The following PPP6R3 variants were observed in gnomAD, a reference collection of about 807,000 sequenced individuals.
PPP6R3 encodes the protein protein phosphatase 6 regulatory subunit 3.
Under a neutral mutation model 110.7 loss-of-function variants are expected in PPP6R3, and 38 were observed. The observed-to-expected ratio is 0.34, with a 90% confidence interval of 0.26 to 0.45. PPP6R3 has a LOEUF of 0.45. Ranked by LOEUF, PPP6R3 falls within the 20% of genes least tolerant of loss-of-function variation. PPP6R3 has a pLI of 1.00. For synonymous variants in PPP6R3, 369 were observed against 373.5 expected (o/e 0.99, Z 0.14); for missense variants, 870 against 1,062.4 (o/e 0.82, Z 2.52).
chr11:68,596,254 G>A (rs1327863272), intron 19 of PPP6R3, 36 bp downstream of exon 19: 2 of 1,613,586 alleles, frequency 1.2e-6, no homozygotes, highest in African/African-American at 2.7e-5. Flanking sequence ...GCTGCCCTGT[G>A]TTGGAATTAG....
At chr11:68,470,472 G>A (rs971101154) in intron 1 of PPP6R3, among the ~76,000 whole-genome samples, 3 of 152,104 alleles carry the variant, frequency 2.0e-5, no homozygotes, top group African/African-American at 7.2e-5. Context: ...CAGATGGATG[G>A]GGGAGATGGG....
Position 68,564,333 on chromosome 11 carries a change from A to G in PPP6R3, c.876A>G (p.Pro292=). 1 of 1,612,758 alleles carries G rather than the reference A, an allele frequency of 6.2e-7. No individual in the cohort carries two copies. The highest frequency in any genetic ancestry group is 2.2e-5 in the East Asian group (1 of 44,866). The change falls in exon 9 of 24, where the codon CCA becomes CCG. Residue 292 remains proline, a synonymous_variant. Coordinates refer to ENST00000393800, the MANE Select transcript of PPP6R3 (RefSeq NM_001164161.2). ...TFEGHIEICP[P]GMSHSACSVN... is the part of the protein sequence containing the mutation. ...AAGGCCATATAGAGATCTGCCCACC[A>G]GGCATGAGCCATTCAGCTTGTTCAG...
intron 15 of PPP6R3, among the ~76,000 whole-genome samples, chr11:68,585,770 G>A (rs2099576384): frequency 6.6e-6 from 1 of 152,078 alleles, no homozygotes; most frequent in African/African-American, 2.4e-5. Flanking sequence ...GTCTGTGTCA[G>A]TTGCTATGTA....
At chr11:68,575,225 A>C (rs1237658814) in intron 13 of PPP6R3, among the ~76,000 whole-genome samples, 1 of 152,220 alleles carries the variant, frequency 6.6e-6, no homozygotes, top group East Asian at 1.9e-4. Flanking sequence ...ACATGTGTAC[A>C]CTTCTGTGAG....
intron 1 of PPP6R3, among the ~76,000 whole-genome samples, chr11:68,511,799 GTGTGTGTT>G (rs2099112119): frequency 1.3e-5 from 2 of 152,038 alleles, no homozygotes; most frequent in African/African-American, 4.8e-5. Flanking sequence ...GTGTGTGTGT[GTGTGTGTT>G]TTTTAAATGT....
intron 1 of PPP6R3, among the ~76,000 whole-genome samples, chr11:68,461,372 T>C (rs2153203049): frequency 6.6e-6 from 1 of 151,876 alleles, no homozygotes; most frequent in South Asian, 2.1e-4. Context: ...CGCAGAGTCA[T>C]CGGGATCCAC....
intron 14 of PPP6R3, among the ~76,000 whole-genome samples, chr11:68,578,187 A>G (rs1419963600): frequency 3.9e-5 from 6 of 152,190 alleles, no homozygotes; most frequent in African/African-American, 1.2e-4. Context: ...CCTCCAGGCC[A>G]TTCATTTTCC....
chr11:68,610,432 C>G lies in PPP6R3; in HGVS notation c.2570+409C>G, dbSNP rs531983613. ...CGAGCAGATCGTGGTGCCTATTTGC[C>G]CACATTCCTGCCCTGTGTGACACAA... On this transcript the variant is annotated intron_variant, in intron 23 of 23. Coordinates refer to ENST00000393800, the MANE Select transcript of PPP6R3 (RefSeq NM_001164161.2). Among the ~76,000 whole-genome samples the G allele has an allele frequency of 1.5e-4, 23 of 152,272 alleles. 1 individual carries two copies. The South Asian group carries it at 4.6e-3, about 30-fold the overall frequency.
intron 1 of PPP6R3, among the ~76,000 whole-genome samples, chr11:68,469,328 C>T (rs1246302349): frequency 1.3e-5 from 2 of 152,140 alleles, no homozygotes; most frequent in African/African-American, 4.8e-5. Flanking sequence ...GATAGAGTCC[C>T]AGGCTAGAGT....
chr11:68,472,280 G>C (rs1460731416), intron 1 of PPP6R3, among the ~76,000 whole-genome samples: 1 of 152,208 alleles, frequency 6.6e-6, no homozygotes, highest in South Asian at 2.1e-4. Flanking sequence ...GGTGCGTGTG[G>C]TTGTGGTTTA....
At chr11:68,601,016 C>T (rs1345632020) in intron 20 of PPP6R3, among the ~76,000 whole-genome samples, 1 of 152,172 alleles carries the variant, frequency 6.6e-6, no homozygotes, top group Non-Finnish European at 1.5e-5. Context: ...GGAAGACAAG[C>T]TGTTTTGGGC....
At chr11:68,554,339 T>G in intron 7 of PPP6R3, 82 bp downstream of exon 7, 1 of 1,077,446 alleles carries the variant, frequency 9.3e-7, no homozygotes, top group South Asian at 1.7e-5. Context: ...TGGTAAGTGT[T>G]CCTTATGTGG....
At chr11:68,580,639 C>G (rs920777611) in intron 14 of PPP6R3, among the ~76,000 whole-genome samples, 1 of 150,358 alleles carries the variant, frequency 6.7e-6, no homozygotes, top group African/African-American at 2.5e-5. Context: ...GAAGATGCCT[C>G]AAAAGGAGTG....
rs60848718 is a variant in PPP6R3 at position 68,573,114 on chromosome 11, TTATATATATATATATATATA to T, written c.1344-974_1344-955del. ...TCAGATTAATATGAGTTTACTTATT[TTATATATATATATATATATA>T]TATATATATATATATATATAATTTT... On this transcript the variant is annotated intron_variant, in intron 12 of 23. Transcript: ENST00000393800. Among the ~76,000 whole-genome samples, 36 of 61,798 alleles carry T rather than the reference TTATATATATATATATATATA, an allele frequency of 5.8e-4. 2 individuals carry two copies. Among genetic ancestry groups the T allele is most frequent in the East Asian group, 1.8e-3 (2 of 1,132 alleles). The allele number at this position is 61,798 out of a possible 152,430, so 40.5% of individuals were successfully genotyped here. A position where few individuals can be genotyped will look rare whatever the true frequency, so the allele number is the denominator to read the frequency against.
intron 2 of PPP6R3, among the ~76,000 whole-genome samples, chr11:68,521,642 G>A (rs1180254822): frequency 6.6e-6 from 1 of 152,164 alleles, no homozygotes; most frequent in Non-Finnish European, 1.5e-5. Context: ...CCAGGGGCTG[G>A]CAAACAAAGC....
At chr11:68,561,830 C>T (rs1403439296) in intron 8 of PPP6R3, among the ~76,000 whole-genome samples, 2 of 152,168 alleles carry the variant, frequency 1.3e-5, no homozygotes, top group Non-Finnish European at 2.9e-5. Flanking sequence ...ACAATCATAG[C>T]TTACTATTGA....
At chr11:68,515,602 C>T (rs530819781) in intron 1 of PPP6R3, among the ~76,000 whole-genome samples, 40 of 152,288 alleles carry the variant, frequency 2.6e-4, no homozygotes, top group South Asian at 1.0e-3. Context: ...ATTCAGCATT[C>T]GGGATTGTGG....
chr11:68,516,910 T>C (rs1032311920), intron 1 of PPP6R3, among the ~76,000 whole-genome samples: 3 of 152,128 alleles, frequency 2.0e-5, no homozygotes, highest in Non-Finnish European at 4.4e-5. Flanking sequence ...CTAATGGATG[T>C]GATGTGTTAC....
chr11:68,475,390 G>A (rs1447179567), intron 1 of PPP6R3, among the ~76,000 whole-genome samples: 33 of 151,984 alleles, frequency 2.2e-4, no homozygotes, highest in Admixed American at 2.0e-3. Flanking sequence ...CCACAAAACC[G>A]CCATCGTCAT....
Sources: gnomAD v4.1 joint callset for allele counts (sites outside exome capture counted in the v4.1 genomes callset) on GRCh38, gnomAD v4.1.1 for gene constraint, MANE v1.5 for transcripts, NCBI Gene and HGNC (gene_info 2026-07-23, HGNC 2026-07-21) for gene names.